The following MTCL2 variants were observed in gnomAD, a reference collection of about 807,000 sequenced individuals.
MTCL2 encodes microtubule crosslinking factor 2.
At chr20:36,780,404 G>A in the MTCL2 span, 43 of 152,254 alleles carry the variant, frequency 2.8e-4, 1 homozygote, top group African/African-American at 8.7e-4. Flanking sequence ...AATGTACTTC[G>A]AGACACTTAG....
chr20:36,799,945 C>G, the MTCL2 span, among the ~76,000 whole-genome samples: 1 of 152,186 alleles, frequency 6.6e-6, no homozygotes, highest in Admixed American at 6.5e-5. Context: ...TCAGAGGTGA[C>G]TTGACTGGGG....
the MTCL2 span, among the ~76,000 whole-genome samples, chr20:36,808,356 A>G: frequency 6.4e-5 from 7 of 109,370 alleles, no homozygotes; most frequent in South Asian, 2.4e-4. Context: ...TCCATCTCGG[A>G]AAAAAAAAAA....
the MTCL2 span, among the ~76,000 whole-genome samples, chr20:36,846,975 A>C: frequency 1.3e-5 from 2 of 152,300 alleles, no homozygotes; most frequent in African/African-American, 4.8e-5. Context: ...GCAACAATGC[A>C]CTCCAGCCTG....
the MTCL2 span, among the ~76,000 whole-genome samples, chr20:36,787,887 A>G: frequency 1.4e-5 from 2 of 139,808 alleles, no homozygotes; most frequent in Non-Finnish European, 3.1e-5. Flanking sequence ...CTCCATCTGA[A>G]AAAAAAAAAA....
At chr20:36,814,867 AC>A in the MTCL2 span, among the ~76,000 whole-genome samples, 1 of 152,166 alleles carries the variant, frequency 6.6e-6, no homozygotes, top group South Asian at 2.1e-4. Context: ...AGCCTGGGTG[AC>A]AGAGCGAGAC....
chr20:36,793,571 C>T, the MTCL2 span: 6 of 1,551,548 alleles, frequency 3.9e-6, no homozygotes, highest in African/African-American at 2.7e-5. The surrounding 1 kb of genome is among the most constrained non-coding windows in gnomAD (Gnocchi z 6.8). Context: ...AGACTCCGTG[C>T]TCCCTGAGTG....
At chr20:36,790,591 C>T in the MTCL2 span, among the ~76,000 whole-genome samples, 6 of 151,530 alleles carry the variant, frequency 4.0e-5, no homozygotes, top group African/African-American at 9.7e-5. Flanking sequence ...CATGCTGCCA[C>T]GCCTGGCTAA....
the MTCL2 span, chr20:36,779,303 T>C: frequency 5.2e-5 from 8 of 152,530 alleles, no homozygotes; most frequent in East Asian, 1.3e-3. Context: ...GAGAGGATGG[T>C]TGGATACTGA....
the MTCL2 span, among the ~76,000 whole-genome samples, chr20:36,850,635 T>C: frequency 2.6e-5 from 4 of 152,342 alleles, no homozygotes; most frequent in East Asian, 1.9e-4. Context: ...GTGGGCCAGA[T>C]CCATCACCAA....
At chr20:36,802,785 C>T in the MTCL2 span, 258 of 1,502,174 alleles carry the variant, frequency 1.7e-4, 2 homozygotes, top group South Asian at 2.8e-3. Context: ...TGAAGGAGTT[C>T]CTGCTTCTGA....
chr20:36,837,227 C>A, the MTCL2 span, among the ~76,000 whole-genome samples: 1 of 152,210 alleles, frequency 6.6e-6, no homozygotes, highest in Non-Finnish European at 1.5e-5. Context: ...CCAGATCACA[C>A]TGGGCTGAGT....
the MTCL2 span, chr20:36,816,306 T>G: frequency 2.6e-6 from 4 of 1,567,094 alleles, no homozygotes; most frequent in Non-Finnish European, 3.4e-6. Flanking sequence ...TGCACTGTCC[T>G]CCTGGGACCA....
the MTCL2 span, among the ~76,000 whole-genome samples, chr20:36,851,241 T>C: frequency 2.6e-5 from 4 of 150,964 alleles, no homozygotes; most frequent in African/African-American, 9.9e-5. Context: ...ATATTGTATA[T>C]AGTTGTACAG....
At chr20:36,794,708 G>T in the MTCL2 span, 1 of 1,391,794 alleles carries the variant, frequency 7.2e-7, no homozygotes, top group Non-Finnish European at 1.0e-6. The surrounding 1 kb of genome is among the most constrained non-coding windows in gnomAD (Gnocchi z 5.4). Flanking sequence ...GACCAGGACC[G>T]TCTTGTTCAC....
chr20:36,793,210 T>C, the MTCL2 span: 1 of 1,522,954 alleles, frequency 6.6e-7, no homozygotes, highest in Non-Finnish European at 8.8e-7. The surrounding 1 kb of genome is among the most constrained non-coding windows in gnomAD (Gnocchi z 6.8). Context: ...ATATACTAAC[T>C]CCACCTACTA....
At chr20:36,843,386 C>T in the MTCL2 span, among the ~76,000 whole-genome samples, 1 of 152,156 alleles carries the variant, frequency 6.6e-6, no homozygotes, top group Non-Finnish European at 1.5e-5. Context: ...TCCTGCCCAT[C>T]GGTTTGACTC....
At chr20:36,807,849 C>T in the MTCL2 span, among the ~76,000 whole-genome samples, 2 of 137,202 alleles carry the variant, frequency 1.5e-5, no homozygotes, top group African/African-American at 2.7e-5. Context: ...GCCTGGCCAA[C>T]ATGGAGAAAC....
the MTCL2 span, chr20:36,786,200 G>T: frequency 1.9e-6 from 2 of 1,069,706 alleles, no homozygotes; most frequent in African/African-American, 1.6e-5. Context: ...CCCAGGGATC[G>T]GCTCTTGACA....
chr20:36,835,420 G>T, the MTCL2 span, among the ~76,000 whole-genome samples: 1 of 152,082 alleles, frequency 6.6e-6, no homozygotes, highest in East Asian at 1.9e-4. Context: ...GATTCAGCTG[G>T]TCAAAAGCCA....
Sources: gnomAD v4.1 joint callset for allele counts (sites outside exome capture counted in the v4.1 genomes callset) on GRCh38, gnomAD v4.1.1 for gene constraint, Gnocchi (gnomAD v3.1) non-coding constraint, MANE v1.5 for transcripts, NCBI Gene and HGNC (gene_info 2026-07-23, HGNC 2026-07-21) for gene names.